SCN9A: variants seen among roughly 807,000 people sequenced by gnomAD.
SCN9A encodes the protein sodium channel protein type 9 subunit alpha.
A neutral mutation model predicts 187.0 loss-of-function variants in SCN9A; 131 were observed. That is an observed-to-expected ratio of 0.70 (90% CI 0.61 to 0.81). The LOEUF is 0.81. Among genes scored for constraint, SCN9A ranks in the 30% least tolerant of loss-of-function variants. The pLI is 0.00. For synonymous variants in SCN9A, 809 were observed against 808.6 expected, an observed-to-expected ratio of 1.00 and a Z score of -0.01; for missense variants, 2,252 against 2,396.6, an observed-to-expected ratio of 0.94 and a Z score of 1.26.
At chr2:166,366,605 C>T (rs1360609412) in intron 1 of SCN9A, among the ~76,000 whole-genome samples, 1 of 152,120 alleles carries the variant, frequency 6.6e-6, no homozygotes, top group Non-Finnish European at 1.5e-5. Context: ...TTATACATTC[C>T]CACCAACAGT....
intron 5 of SCN9A, among the ~76,000 whole-genome samples, chr2:166,304,679 G>A (rs1044001214): frequency 3.3e-5 from 5 of 152,016 alleles, no homozygotes; most frequent in African/African-American, 9.7e-5. Flanking sequence ...GCTGCATACT[G>A]TTTGATATTT....
intron 1 of SCN9A, among the ~76,000 whole-genome samples, chr2:166,372,358 T>C (rs1027654388): frequency 3.3e-5 from 5 of 152,330 alleles, no homozygotes; most frequent in African/African-American, 1.2e-4. Context: ...TACATTTCTA[T>C]CAACTGAGCT....
At chr2:166,250,787 C>T (rs563459555) in intron 18 of SCN9A, among the ~76,000 whole-genome samples, 3 of 152,156 alleles carry the variant, frequency 2.0e-5, no homozygotes, top group African/African-American at 7.2e-5. Context: ...TCAGACTTTA[C>T]CCTAGAGGCC....
At chr2:166,282,540 C>T (rs1464244493) in intron 12 of SCN9A, among the ~76,000 whole-genome samples, 1 of 152,100 alleles carries the variant, frequency 6.6e-6, no homozygotes, top group Non-Finnish European at 1.5e-5. Context: ...ATTTAAAACA[C>T]TATGTTGGTT....
At chr2:166,207,428 T>TTTGTTGTTG (rs61122536) in intron 24 of SCN9A, among the ~76,000 whole-genome samples, 3,490 of 150,126 alleles carry the variant, frequency 0.023, 58 homozygotes, top group African/African-American at 0.037. Context: ...TTAGAGTGTT[T>TTTGTTGTTG]TTGTTGTTGT....
Position 166,284,711 on chromosome 2 carries a change from A to G in SCN9A, c.1716T>C (p.Asp572=), listed in dbSNP as rs199938803. The change falls in exon 12 of 27, where the codon GAT becomes GAC. Residue 572 remains aspartate (D), a synonymous_variant. Coordinates refer to ENST00000642356, the MANE Select transcript of SCN9A (RefSeq NM_001365536.1). ...RDIGSETEFA[D]DEHSIFGDNE... ...TGTCTCCAAAAATGCTGTGCTCATC[A>G]TCGGCAAATTCAGTCTCAGATCCTA... 1 of 1,613,982 alleles carries G rather than the reference A, an allele frequency of 6.2e-7. No homozygotes were observed. Among genetic ancestry groups the G allele is most frequent in the Non-Finnish European group, 8.5e-7 (1 of 1,179,870 alleles).
At chr2:166,359,557 A>C (rs1700228771) in intron 1 of SCN9A, among the ~76,000 whole-genome samples, 1 of 152,146 alleles carries the variant, frequency 6.6e-6, no homozygotes, top group East Asian at 1.9e-4. Flanking sequence ...ACATTATGTT[A>C]ATCATGTAAA....
chr2:166,293,044 A>C (rs1698146314), intron 9 of SCN9A, among the ~76,000 whole-genome samples, 187 bp downstream of exon 9: 1 of 152,136 alleles, frequency 6.6e-6, no homozygotes, highest in African/African-American at 2.4e-5. Context: ...AGATAAGAAA[A>C]TTATTTATGA....
intron 1 of SCN9A, among the ~76,000 whole-genome samples, chr2:166,343,463 A>T (rs980033516): frequency 6.6e-6 from 1 of 152,208 alleles, no homozygotes; most frequent in African/African-American, 2.4e-5. Flanking sequence ...CTCAAAGTCA[A>T]GCAAGAGGGA....
At chr2:166,278,472 T>A (rs544889313) in intron 14 of SCN9A, among the ~76,000 whole-genome samples, 159 bp from the exon 15 acceptor site, 2 of 152,296 alleles carry the variant, frequency 1.3e-5, no homozygotes, top group Non-Finnish European at 2.9e-5. Context: ...GTAAATTAGG[T>A]ATTGCTCTTC....
At chr2:166,276,207 T>C (rs1697227905) in intron 16 of SCN9A, among the ~76,000 whole-genome samples, 1 of 151,982 alleles carries the variant, frequency 6.6e-6, no homozygotes, top group Non-Finnish European at 1.5e-5. Context: ...ATTCAAAAAG[T>C]AGGCAGATTG....
At chr2:166,339,614 G>T (rs952248266) in intron 1 of SCN9A, among the ~76,000 whole-genome samples, 1 of 152,082 alleles carries the variant, frequency 6.6e-6, no homozygotes, top group African/African-American at 2.4e-5. Context: ...CCCAATAAAT[G>T]ATATCAAGCA....
intron 2 of SCN9A, among the ~76,000 whole-genome samples, chr2:166,308,136 T>C (rs1024918559): frequency 2.6e-5 from 4 of 152,224 alleles, no homozygotes; most frequent in Non-Finnish European, 5.9e-5. Context: ...CTAAATACAA[T>C]TTAATGTAAA....
Position 166,204,162 on chromosome 2 carries a change from C to A in SCN9A, c.4567G>T (p.Val1523Phe). 2 of 1,612,280 alleles carry A rather than the reference C, an allele frequency of 1.2e-6. No individual in the cohort carries two copies. The highest frequency in any genetic ancestry group is 1.7e-6 in the Non-Finnish European group (2 of 1,178,748). Residue 1523 changes from valine to phenylalanine, a missense_variant, in exon 26 of 27, where the codon GTT becomes TTT. Transcript: ENST00000642356. ...TNQAFDISIM[V>F]LICLNMVTMM... is the part of the protein sequence containing the mutation. ...GTTACCATGTTGAGACAGATAAGAA[C>A]CATGATACTAATATCAAAGGCTTGA... is the stretch of plus-strand genomic sequence containing the variant.
At chr2:166,233,907 A>C (rs1221266659) in intron 20 of SCN9A, among the ~76,000 whole-genome samples, 2 of 152,186 alleles carry the variant, frequency 1.3e-5, no homozygotes, top group African/African-American at 2.4e-5. Context: ...AATCTTATTA[A>C]AAAACATTTT....
intron 18 of SCN9A, among the ~76,000 whole-genome samples, chr2:166,244,744 G>A (rs1695713363): frequency 6.6e-6 from 1 of 152,016 alleles, no homozygotes. Context: ...GTGGAAGTAT[G>A]TCACACTGTT....
At chr2:166,245,659 G>T (rs146233008) in intron 18 of SCN9A, among the ~76,000 whole-genome samples, 93 of 152,070 alleles carry the variant, frequency 6.1e-4, no homozygotes, top group Non-Finnish European at 1.1e-3. Flanking sequence ...TAAAATTTTA[G>T]ATGAAAAACC....
At chr2:166,302,218 CA>C (rs1698584848) in intron 7 of SCN9A, 7 of 143,750 alleles carry the variant, frequency 4.9e-5, no homozygotes, top group African/African-American at 2.1e-4. Context: ...CAGATAGATA[CA>C]TTCCAGGTGT....
intron 24 of SCN9A, among the ~76,000 whole-genome samples, chr2:166,211,227 A>G (rs1402580121): frequency 6.6e-6 from 1 of 152,194 alleles, no homozygotes; most frequent in East Asian, 1.9e-4. Flanking sequence ...AAGAGCAAAT[A>G]AAGTGAAAGT....
Sources: allele counts gnomAD v4.1 joint callset (sites outside exome capture counted in the v4.1 genomes callset), GRCh38; gene constraint gnomAD v4.1.1; transcripts MANE v1.5; gene names NCBI Gene and HGNC (gene_info 2026-07-23, HGNC 2026-07-21).